ARFGEF3: variants seen among roughly 807,000 people sequenced by gnomAD.
ARFGEF3 encodes ARFGEF family member 3.
ARFGEF3 carries 96 observed loss-of-function variants against 221.7 expected under a neutral mutation model. That is an observed-to-expected ratio of 0.43 (90% CI 0.37 to 0.51). The LOEUF (loss-of-function observed/expected upper bound fraction) is 0.51. Among genes scored for constraint, ARFGEF3 ranks in the 20% least tolerant of loss-of-function variants. The pLI is 0.00. For synonymous variants in ARFGEF3, 1,145 were observed against 1,126.8 expected (o/e 1.02, Z -0.32); for missense variants, 2,410 against 2,789.9 (o/e 0.86, Z 3.07).
At chr6:138,185,408 C>G (rs1777163152) in intron 2 of ARFGEF3, among the ~76,000 whole-genome samples, 1 of 152,116 alleles carries the variant, frequency 6.6e-6, no homozygotes, top group South Asian at 2.1e-4. Flanking sequence ...TGAACGCACC[C>G]TAACTGATGC....
rs780321597 is a variant in ARFGEF3 at position 138,189,923 on chromosome 6, CT to C, written c.138-17114del. 5.3e-5 allele frequency among the ~76,000 whole-genome samples: 8 copies of C among 151,810 alleles called. No individual in the cohort carries two copies. In the East Asian group the frequency reaches 1.6e-3, roughly 29 times the overall value. On this transcript the variant is annotated intron_variant, in intron 2 of 33. Coordinates refer to ENST00000251691, the MANE Select transcript of ARFGEF3 (RefSeq NM_020340.5). The stretch of plus-strand genomic sequence containing the variant: ...GCAAAAATCCCGTCTCTACAAACAA[CT>C]TTTTAAAAAATTAGCCAGCCATGGT...
intron 6 of ARFGEF3, among the ~76,000 whole-genome samples, chr6:138,242,174 C>T (rs1044915549): frequency 2.2e-4 from 34 of 152,170 alleles, no homozygotes; most frequent in African/African-American, 7.5e-4. Context: ...GGATGAGTTA[C>T]GTGTCCGGTA....
At chr6:138,167,270 C>A (rs575295721) in intron 1 of ARFGEF3, among the ~76,000 whole-genome samples, 1 of 152,324 alleles carries the variant, frequency 6.6e-6, no homozygotes, top group Non-Finnish European at 1.5e-5. Flanking sequence ...CTCTTACTCC[C>A]AGCTCTTCTG....
intron 21 of ARFGEF3, among the ~76,000 whole-genome samples, chr6:138,297,948 C>T (rs1304510269): frequency 6.6e-6 from 1 of 152,186 alleles, no homozygotes; most frequent in African/African-American, 2.4e-5. Flanking sequence ...TTCATGGTCT[C>T]TCATGTAGAC....
At position 138,263,382 on chromosome 6, in the gene ARFGEF3, C is replaced by T; in HGVS notation, c.1899C>T (p.Asp633=). The change falls in exon 12 of 34, where the codon GAC becomes GAT. Residue 633 remains aspartate, a synonymous_variant. Coordinates refer to ENST00000251691, the MANE Select transcript of ARFGEF3 (RefSeq NM_020340.5). ...GRSDVSDIGS[D]NCSLADEEQT... is the part of the protein sequence containing the mutation. ...CCGACGTGTCAGACATTGGGTCGGACAACTGTTCACTAGCCGATGAAGAGC... is the reference window on the plus strand; with the variant it reads ...CCGACGTGTCAGACATTGGGTCGGATAACTGTTCACTAGCCGATGAAGAGC... The T allele has an allele frequency of 6.2e-7, 1 of 1,614,000 alleles. No homozygotes were observed. The highest frequency in any genetic ancestry group is 1.1e-5 in the South Asian group (1 of 91,086).
intron 4 of ARFGEF3, among the ~76,000 whole-genome samples, chr6:138,223,161 C>T (rs1160681467): frequency 6.6e-6 from 1 of 152,126 alleles, no homozygotes; most frequent in African/African-American, 2.4e-5. Context: ...GGCAGCACAC[C>T]CTTCACCCCA....
intron 25 of ARFGEF3, among the ~76,000 whole-genome samples, chr6:138,312,028 C>T (rs1266333893): frequency 3.3e-5 from 5 of 152,058 alleles, no homozygotes; most frequent in East Asian, 1.9e-4. Flanking sequence ...TGGTGGCATG[C>T]GCCTGTAATC....
chr6:138,259,900 C>T (rs954227501), intron 10 of ARFGEF3, among the ~76,000 whole-genome samples: 2 of 151,360 alleles, frequency 1.3e-5, no homozygotes, highest in Non-Finnish European at 2.9e-5. Flanking sequence ...GGTGACAGAG[C>T]GAGATTCCAT....
Position 138,310,189 on chromosome 6 carries a change from G to A in ARFGEF3, c.4097-1218G>A, listed in dbSNP as rs536384949. On this transcript the variant is annotated intron_variant, in intron 24 of 33. Coordinates refer to ENST00000251691, the MANE Select transcript of ARFGEF3 (RefSeq NM_020340.5). ...GTGCCATTCACATAGACTTGGATGC[G>A]TTCAAATACACAGCGGCCACAGTCT... 1.2e-3 allele frequency among the ~76,000 whole-genome samples: 188 copies of A among 152,298 alleles called. 1 individual carries two copies. Among genetic ancestry groups the A allele is most frequent in the African/African-American group, 4.0e-3 (166 of 41,570 alleles).
rs1461602848 is a variant in ARFGEF3, at chr6:138,339,797, A to G, written c.*3311A>G. The G allele has an allele frequency of 6.6e-6, 1 of 152,122 alleles. No individual in the cohort carries two copies. The highest frequency in any genetic ancestry group is 1.5e-5 in the Non-Finnish European group (1 of 68,120). 9.4% of individuals were successfully genotyped at this position (152,122 alleles called of 1,614,324 possible). A position where few individuals can be genotyped will look rare whatever the true frequency, so the allele number is the denominator to read the frequency against. On this transcript the variant is annotated 3_prime_UTR_variant, in exon 34 of 34. Coordinates refer to ENST00000251691, the MANE Select transcript of ARFGEF3 (RefSeq NM_020340.5). ...GTTAGTTAGGCTGCCTTTTTACACC[A>G]CCTTCTCTCTCTCCCCTTGTGGTAA...
intron 2 of ARFGEF3, among the ~76,000 whole-genome samples, chr6:138,178,135 T>C (rs1401127521): frequency 6.6e-6 from 1 of 152,162 alleles, no homozygotes; most frequent in Non-Finnish European, 1.5e-5. Flanking sequence ...ACTTTTTCTC[T>C]CGAAGATGTG....
chr6:138,191,237 G>A (rs1341306965), intron 2 of ARFGEF3, among the ~76,000 whole-genome samples: 1 of 152,126 alleles, frequency 6.6e-6, no homozygotes, highest in African/African-American at 2.4e-5. Flanking sequence ...GTAGTTAGGT[G>A]ACGTGGGACA....
At position 138,334,274 on chromosome 6, in the gene ARFGEF3, T is replaced by G. The variant is rs1395944559; in HGVS notation, c.5428T>G (p.Ser1810Ala). The G allele has an allele frequency of 6.2e-7, 1 of 1,613,762 alleles. No individual in the cohort carries two copies. ...IGGAANLYRQ[S>A]AMSFNIYFHA... Reference sequence around the variant, plus strand: ...GGGCGCCGCCAACCTCTACCGCCAGTCTGCGATGAGCTTTAACATTTATTT... The same window carrying G: ...GGGCGCCGCCAACCTCTACCGCCAGGCTGCGATGAGCTTTAACATTTATTT... The change falls in exon 33 of 34, where the codon TCT becomes GCT. Residue 1810 changes from serine to alanine, a missense_variant. Physicochemically the swap from Ser to Ala is moderately conservative, Grantham distance 99. This residue lies in a region of ARFGEF3 where 723 missense variants were observed against 991.9 expected (regional missense o/e 0.73). Coordinates refer to ENST00000251691, the MANE Select transcript of ARFGEF3 (RefSeq NM_020340.5). The surrounding 1 kb of genome is among the most constrained non-coding windows in gnomAD (Gnocchi z 5.1).
chr6:138,304,472 A>G (rs1779684530), intron 22 of ARFGEF3, among the ~76,000 whole-genome samples: 1 of 152,234 alleles, frequency 6.6e-6, no homozygotes. Flanking sequence ...ACTTGTCATT[A>G]GTCTTTGAAG....
At position 138,255,871 on chromosome 6, in the gene ARFGEF3, A is replaced by G. The variant is rs149199340; in HGVS notation, c.1104+102A>G. The G allele has an allele frequency of 3.1e-4, 291 of 945,500 alleles. No homozygotes were observed. The African/African-American group carries it at 4.4e-3, about 14-fold the overall frequency. 58.6% of individuals were successfully genotyped at this position (945,500 alleles called of 1,614,324 possible). Reference sequence around the variant, plus strand: ...AAAGGCTTGCCAATCACTTGCCGGAACTTCATTACTGCCTCATGGTGTCCA... The same window carrying G: ...AAAGGCTTGCCAATCACTTGCCGGAGCTTCATTACTGCCTCATGGTGTCCA... On this transcript the variant is annotated intron_variant, in intron 10 of 33. Transcript: ENST00000251691.
At chr6:138,288,834 C>T (rs1342672179) in intron 17 of ARFGEF3, among the ~76,000 whole-genome samples, 2 of 152,224 alleles carry the variant, frequency 1.3e-5, no homozygotes, top group African/African-American at 2.4e-5. Context: ...AGTTATCCTA[C>T]CACATGCAAT....
At chr6:138,292,703 G>A (rs1446668067) in intron 19 of ARFGEF3, among the ~76,000 whole-genome samples, 1 of 151,776 alleles carries the variant, frequency 6.6e-6, no homozygotes, top group Non-Finnish European at 1.5e-5. Flanking sequence ...GACAGGAGTG[G>A]GAGGAGCACT....
At chr6:138,290,917 G>C (rs1779391083) in intron 18 of ARFGEF3, among the ~76,000 whole-genome samples, 1 of 151,990 alleles carries the variant, frequency 6.6e-6, no homozygotes, top group Non-Finnish European at 1.5e-5. Flanking sequence ...GCTCTTTATT[G>C]CTCTAACAAG....
chr6:138,306,980 CA>C (rs1779739526), intron 22 of ARFGEF3, among the ~76,000 whole-genome samples: 3 of 130,826 alleles, frequency 2.3e-5, no homozygotes, highest in Admixed American at 1.5e-4. Context: ...AAGAAAATAA[CA>C]AGAAGACATG....
Sources: allele counts gnomAD v4.1 joint callset (sites outside exome capture counted in the v4.1 genomes callset), GRCh38; gene constraint gnomAD v4.1.1; regional missense constraint gnomAD v4.1.1; non-coding constraint Gnocchi (gnomAD v3.1); transcripts MANE v1.5; gene names NCBI Gene and HGNC (gene_info 2026-07-23, HGNC 2026-07-21).